The following ERCC1 variants were observed in gnomAD, a reference collection of about 807,000 sequenced individuals.
The protein encoded by ERCC1 is DNA excision repair protein ERCC-1.
A neutral mutation model predicts 37.6 loss-of-function variants in ERCC1; 36 were observed. The ratio of observed to expected loss-of-function variants is 0.96; its 90% confidence interval spans 0.73 to 1.26. ERCC1 has a LOEUF of 1.26. Ranked by LOEUF, ERCC1 falls within the 50% of genes most tolerant of loss-of-function variation. The pLI is 0.00. For missense variants in ERCC1, 349 were observed against 376.5 expected, an observed-to-expected ratio of 0.93 and a Z score of 0.60; for synonymous variants, 156 against 162.1, an observed-to-expected ratio of 0.96 and a Z score of 0.28.
Position 45,409,445 on chromosome 19 carries a change from G to A in ERCC1, c.*230C>T, listed in dbSNP as rs372336084. The A allele has an allele frequency of 5.0e-6, 8 of 1,613,290 alleles. No homozygotes were observed. The African/African-American group carries it at 5.3e-5, about 11-fold the overall frequency. ...GCCACTGAATTCAGAGTCTGGGGAGGAGGCTCCCACAGGCCGGGACAAGAA... is the reference window on the plus strand; with the variant it reads ...GCCACTGAATTCAGAGTCTGGGGAGAAGGCTCCCACAGGCCGGGACAAGAA... On this transcript the variant is annotated 3_prime_UTR_variant, in exon 10 of 10. Coordinates refer to ENST00000300853, the MANE Select transcript of ERCC1 (RefSeq NM_001983.4).
At chr19:45,436,943 G>A (rs771086646) in intron 1 of ERCC1, among the ~76,000 whole-genome samples, 30 of 151,830 alleles carry the variant, frequency 2.0e-4, no homozygotes, top group Non-Finnish European at 1.2e-4. Flanking sequence ...TTCCAATATA[G>A]TGAGACTTTA....
chr19:45,423,271 A>T lies in ERCC1; in HGVS notation c.104T>A (p.Val35Glu). ...PLDEDEVPPGVAKPLFRSTQS... is the reference protein window; with the variant it reads ...PLDEDEVPPGEAKPLFRSTQS... ...GGGCCCCGCATCTCCTTGTCCTACC[A>T]CTCCAGGAGGGACCTCATCCTCGTC... Residue 35 changes from valine to glutamate, a missense_variant and splice_region_variant, in exon 2 of 10, where the codon GTG becomes GAG. Transcript: ENST00000300853. 1 of 1,611,396 alleles carries T rather than the reference A, an allele frequency of 6.2e-7. No homozygotes were observed. Among genetic ancestry groups the T allele is most frequent in the Non-Finnish European group, 8.5e-7 (1 of 1,179,162 alleles).
chr19:45,412,160 A>G (rs1356680511), intron 9 of ERCC1, among the ~76,000 whole-genome samples: 1 of 115,936 alleles, frequency 8.6e-6, no homozygotes, highest in Admixed American at 8.9e-5. Flanking sequence ...TGCCCGGCCT[A>G]TTTTTGGTTT....
rs1973961264 is a variant in ERCC1, at chr19:45,414,942, C to T, written c.621G>A (p.Arg207=). Residue 207 remains arginine, a synonymous_variant, in exon 7 of 10, where the codon CGG becomes CGA. Coordinates refer to ENST00000300853, the MANE Select transcript of ERCC1 (RefSeq NM_001983.4). Reference sequence around the variant, plus strand: ...CATAGGCCTTGTAGGTCTCCAGGTACCGCCCAGCTTCCTCGGGGCTGGGAT... The same window carrying T: ...CATAGGCCTTGTAGGTCTCCAGGTATCGCCCAGCTTCCTCGGGGCTGGGAT... ...ILAWSPEEAG[R]YLETYKAYEQ... is the part of the protein sequence containing the mutation. 6.2e-7 allele frequency: 1 copy of T among 1,613,638 alleles called. No individual in the cohort carries two copies. The highest frequency in any genetic ancestry group is 2.2e-5 in the East Asian group (1 of 44,858).
rs775107965 is a variant in ERCC1 at position 45,409,403 on chromosome 19, G to C, written c.*272C>G. The C allele has an allele frequency of 1.9e-6, 3 of 1,613,990 alleles. No homozygotes were observed. The highest frequency in any genetic ancestry group is 2.5e-6 in the Non-Finnish European group (3 of 1,180,026). On this transcript the variant is annotated 3_prime_UTR_variant, in exon 10 of 10. Transcript: ENST00000300853. ...CCGGATGCCAGAGACAGTGCCCCAA[G>C]AGGAGATGCCAGGGCCGCCACTGAA... is the stretch of plus-strand genomic sequence containing the variant.
In ERCC1 at chr19:45,423,531, C is replaced by T. The variant is rs796583764; in HGVS notation, c.-7-150G>A. On this transcript the variant is annotated intron_variant, in intron 1 of 9. Coordinates refer to ENST00000300853, the MANE Select transcript of ERCC1 (RefSeq NM_001983.4). ...ACACCCAGCGCTAGAGGCTCTGTAA[C>T]GCCACGCCCCTTTGACCTCCACCTT... is the stretch of plus-strand genomic sequence containing the variant. 30 of 1,454,840 alleles carry T rather than the reference C, an allele frequency of 2.1e-5. 1 individual carries two copies. The African/African-American group carries it at 4.3e-4, about 21-fold the overall frequency. 90.1% of individuals were successfully genotyped at this position (1,454,840 alleles called of 1,614,324 possible).
At chr19:45,414,262 G>A in intron 7 of ERCC1, 1 of 583,408 alleles carries the variant, frequency 1.7e-6, no homozygotes, top group Non-Finnish European at 3.1e-6. Flanking sequence ...GATCACCTGA[G>A]GCCAGGAGTT....
chr19:45,408,673 A>G lies in ERCC1; in HGVS notation c.*1002T>C. 6.2e-7 allele frequency: 1 copy of G among 1,614,014 alleles called. No individual in the cohort carries two copies. Among genetic ancestry groups the G allele is most frequent in the Non-Finnish European group, 8.5e-7 (1 of 1,179,996 alleles). On this transcript the variant is annotated 3_prime_UTR_variant, in exon 10 of 10. Transcript: ENST00000300853. ...CAGGGCCTGTGGGGACAGAGCCCAC[A>G]GTGGAGACACTGGAGCCTCTGGGAG... is the stretch of plus-strand genomic sequence containing the variant.
At position 45,408,061 on chromosome 19, in the gene ERCC1, C is replaced by CAAA; in HGVS notation, c.*1611_*1613dup. On this transcript the variant is annotated 3_prime_UTR_variant, in exon 10 of 10. Coordinates refer to ENST00000300853, the MANE Select transcript of ERCC1 (RefSeq NM_001983.4). ...AGAGCAAGACTCTCTCAAAAAAAAACAAAAAAAAAATCAAAAAACCTTCCC... is the reference window on the plus strand; with the variant it reads ...AGAGCAAGACTCTCTCAAAAAAAAACAAAAAAAAAAAAATCAAAAAACCTTCCC... 1 of 1,404,136 alleles carries CAAA rather than the reference C, an allele frequency of 7.1e-7. No homozygotes were observed. Among genetic ancestry groups the CAAA allele is most frequent in the South Asian group, 1.5e-5 (1 of 66,640 alleles). The allele number at this position is 1,404,136 out of a possible 1,614,324, so 87.0% of individuals were successfully genotyped here.
chr19:45,429,655 C>T (rs1599852147), intron 1 of ERCC1, among the ~76,000 whole-genome samples: 2 of 152,126 alleles, frequency 1.3e-5, no homozygotes, highest in East Asian at 3.8e-4. Flanking sequence ...GAGCACATGC[C>T]ATTCTCCACT....
chr19:45,444,460 C>T (rs973238000), intron 1 of ERCC1, among the ~76,000 whole-genome samples: 1 of 152,150 alleles, frequency 6.6e-6, no homozygotes, highest in Admixed American at 6.5e-5. Context: ...CCCCGCCCCG[C>T]CCCAGGGCCG....
intron 1 of ERCC1, among the ~76,000 whole-genome samples, chr19:45,434,700 C>T (rs1054149723): frequency 6.6e-6 from 1 of 152,110 alleles, no homozygotes; most frequent in African/African-American, 2.4e-5. Context: ...ATTCTCCTGC[C>T]TCAGCCTCCC....
intron 9 of ERCC1, among the ~76,000 whole-genome samples, chr19:45,412,026 T>A (rs1367590318): frequency 1.3e-5 from 2 of 150,652 alleles, no homozygotes; most frequent in African/African-American, 4.9e-5. Context: ...CCAGCTAATT[T>A]TTTTTTGTAT....
chr19:45,429,215 C>T (rs1313701306), intron 1 of ERCC1: 2 of 152,358 alleles, frequency 1.3e-5, no homozygotes, highest in Admixed American at 6.5e-5. Flanking sequence ...AATCTCAGCA[C>T]TTTGAGAAGC....
chr19:45,432,003 G>A (rs756584860), intron 1 of ERCC1, among the ~76,000 whole-genome samples: 2 of 151,636 alleles, frequency 1.3e-5, no homozygotes, highest in South Asian at 2.1e-4. Context: ...ATGGAATCTC[G>A]CTCTGTCGCC....
At chr19:45,446,388 A>G (rs990048335) in intron 1 of ERCC1, among the ~76,000 whole-genome samples, 1 of 152,170 alleles carries the variant, frequency 6.6e-6, no homozygotes, top group Non-Finnish European at 1.5e-5. Flanking sequence ...TGACAAGCAC[A>G]TTCATAGCAA....
intron 1 of ERCC1, among the ~76,000 whole-genome samples, chr19:45,436,448 A>T (rs2123589219): frequency 6.6e-6 from 1 of 152,162 alleles, no homozygotes; most frequent in South Asian, 2.1e-4. Flanking sequence ...AACATGGTGA[A>T]ACCCTGTCTC....
intron 9 of ERCC1, 170 bp from the exon 10 acceptor site, chr19:45,409,895 A>ATTATTTTTTT (rs1555785258): frequency 2.3e-5 from 4 of 171,652 alleles, no homozygotes; most frequent in African/African-American, 8.2e-5. Flanking sequence ...TATTATTATT[A>ATTATTTTTTT]TTTTTTTTTT....
In ERCC1 at chr19:45,415,615, G is replaced by A. The variant is rs1394587945; in HGVS notation, c.603-655C>T. On this transcript the variant is annotated intron_variant, in intron 6 of 9. Transcript: ENST00000300853. ...CACGCCACTGCACTCCAGCCTGGGC[G>A]ACAGAGCCAGACTCCGTCTCAAAAA... is the stretch of plus-strand genomic sequence containing the variant. Among the ~76,000 whole-genome samples the A allele has an allele frequency of 6.6e-5, 8 of 120,512 alleles. No individual in the cohort carries two copies. The South Asian group carries it at 8.3e-4, about 13-fold the overall frequency. The allele number at this position is 120,512 out of a possible 152,430, so 79.1% of individuals were successfully genotyped here.
Sources: gnomAD v4.1 joint callset for allele counts (sites outside exome capture counted in the v4.1 genomes callset) on GRCh38, gnomAD v4.1.1 for gene constraint, MANE v1.5 for transcripts, NCBI Gene and HGNC (gene_info 2026-07-23, HGNC 2026-07-21) for gene names.